VEGFC: variants seen among roughly 807,000 people sequenced by gnomAD.
VEGFC encodes vascular endothelial growth factor C.
In VEGFC, 12 loss-of-function variants were observed where a neutral mutation model predicts 46.1. That is an observed-to-expected ratio of 0.26 (90% confidence interval 0.17 to 0.42). The LOEUF (loss-of-function observed/expected upper bound fraction) is 0.42. Among genes scored for constraint, VEGFC ranks in the 10% least tolerant of loss-of-function variants. The pLI is 1.00. For synonymous variants in VEGFC, 232 were observed against 195.5 expected (o/e 1.19, Z -1.56); for missense variants, 488 against 529.4 (o/e 0.92, Z 0.77).
intron 1 of VEGFC, among the ~76,000 whole-genome samples, chr4:176,762,554 G>C (rs1318895798): frequency 6.6e-6 from 1 of 152,096 alleles, no homozygotes; most frequent in Non-Finnish European, 1.5e-5. Context: ...CCCAGTTTTA[G>C]GTATTCTGTC....
chr4:176,764,026 C>A (rs113614154), intron 1 of VEGFC, among the ~76,000 whole-genome samples: 1 of 152,182 alleles, frequency 6.6e-6, no homozygotes, highest in African/African-American at 2.4e-5. Context: ...GCAACTTCCA[C>A]TTCTGACCAT....
rs189255691 is a variant in VEGFC, at chr4:176,711,064, T to C, written c.704+435A>G. Among the ~76,000 whole-genome samples the C allele has an allele frequency of 3.4e-3, 514 of 152,230 alleles. 4 individuals carry two copies. The highest frequency in any genetic ancestry group is 7.7e-3 in the Admixed American group (117 of 15,266). ...CACATATATATTTTTATGTTTGAGA[T>C]TGAAGAAAGCAACTGAATGCTAATA... On this transcript the variant is annotated intron_variant, in intron 4 of 6. Coordinates refer to ENST00000618562, the MANE Select transcript of VEGFC (RefSeq NM_005429.5).
chr4:176,753,647 C>T (rs927452787), intron 1 of VEGFC, among the ~76,000 whole-genome samples: 1 of 152,050 alleles, frequency 6.6e-6, no homozygotes, highest in Non-Finnish European at 1.5e-5. Context: ...TGCTTTTATT[C>T]CTGCATACAT....
intron 1 of VEGFC, among the ~76,000 whole-genome samples, chr4:176,741,615 T>C (rs1221690360): frequency 4.6e-5 from 7 of 151,938 alleles, no homozygotes; most frequent in Admixed American, 3.9e-4. Flanking sequence ...TAAAAAAAGA[T>C]AAAATGTAAC....
intron 3 of VEGFC, among the ~76,000 whole-genome samples, chr4:176,712,747 T>G (rs1734639618): frequency 6.6e-6 from 1 of 152,204 alleles, no homozygotes; most frequent in African/African-American, 2.4e-5. Context: ...GCTGCCAATT[T>G]TGTCCATGCC....
rs535857420 is a variant in VEGFC at position 176,726,908 on chromosome 4, G to A, written c.552+870C>T. Reference sequence around the variant, plus strand: ...CAGTTCTGAATTTAGCCAGATTTACGTGTGTGAGTCTAACTCCAAAAATAG... The same window carrying A: ...CAGTTCTGAATTTAGCCAGATTTACATGTGTGAGTCTAACTCCAAAAATAG... On this transcript the variant is annotated intron_variant, in intron 3 of 6. Transcript: ENST00000618562. 2.6e-5 allele frequency among the ~76,000 whole-genome samples: 4 copies of A among 152,180 alleles called. 1 individual carries two copies. Among genetic ancestry groups the A allele is most frequent in the Admixed American group, 6.5e-5 (1 of 15,294 alleles).
intron 3 of VEGFC, among the ~76,000 whole-genome samples, chr4:176,725,481 C>A (rs968465408): frequency 6.6e-6 from 1 of 151,954 alleles, no homozygotes; most frequent in South Asian, 2.1e-4. Flanking sequence ...AGATTTGGAT[C>A]TATGTTTTTA....
At chr4:176,773,284 G>T (rs1364423243) in intron 1 of VEGFC, among the ~76,000 whole-genome samples, 1 of 152,162 alleles carries the variant, frequency 6.6e-6, no homozygotes, top group Non-Finnish European at 1.5e-5. Context: ...CAGGAGTCTG[G>T]ACATTGATGA....
intron 1 of VEGFC, among the ~76,000 whole-genome samples, chr4:176,778,385 C>A (rs1375835055): frequency 1.4e-5 from 1 of 71,532 alleles, no homozygotes; most frequent in African/African-American, 3.3e-5. Context: ...AAATAAAACA[C>A]ATATTTAGGA....
intron 1 of VEGFC, among the ~76,000 whole-genome samples, chr4:176,761,734 T>C (rs759153652): frequency 6.6e-6 from 1 of 152,138 alleles, no homozygotes; most frequent in Non-Finnish European, 1.5e-5. Flanking sequence ...AAAATAAACA[T>C]ATACTTAACA....
At chr4:176,784,899 G>C (rs530972434) in intron 1 of VEGFC, among the ~76,000 whole-genome samples, 1 of 152,100 alleles carries the variant, frequency 6.6e-6, no homozygotes, top group Non-Finnish European at 1.5e-5. Context: ...CTTGTCCAAG[G>C]TCACACAGGT....
intron 1 of VEGFC, among the ~76,000 whole-genome samples, chr4:176,736,016 T>A (rs1466073326): frequency 1.3e-5 from 2 of 151,836 alleles, no homozygotes; most frequent in Non-Finnish European, 2.9e-5. Context: ...CAAATTTACC[T>A]CATTACATGC....
At chr4:176,699,178 G>T (rs577262597) in intron 4 of VEGFC, among the ~76,000 whole-genome samples, 2 of 152,254 alleles carry the variant, frequency 1.3e-5, no homozygotes, top group Admixed American at 6.5e-5. Context: ...GGCACCTATG[G>T]TTCCATAGCT....
At chr4:176,693,968 T>C (rs1734258996) in intron 4 of VEGFC, among the ~76,000 whole-genome samples, 1 of 148,714 alleles carries the variant, frequency 6.7e-6, no homozygotes, top group Non-Finnish European at 1.5e-5. Flanking sequence ...CTAAAAGAGC[T>C]CCTGAAGGAA....
chr4:176,701,359 A>C (rs1377599018), intron 4 of VEGFC, among the ~76,000 whole-genome samples: 2 of 152,212 alleles, frequency 1.3e-5, no homozygotes, highest in African/African-American at 4.8e-5. Context: ...AAACTTTAGG[A>C]CAATCTTTGA....
intron 4 of VEGFC, among the ~76,000 whole-genome samples, chr4:176,692,321 C>A (rs377470613): frequency 2.7e-5 from 3 of 111,580 alleles, no homozygotes; most frequent in South Asian, 2.5e-4. Context: ...GTGAACCCGG[C>A]AGGCGGAGCT....
chr4:176,752,761 A>G (rs1233340036), intron 1 of VEGFC, among the ~76,000 whole-genome samples: 1 of 152,106 alleles, frequency 6.6e-6, no homozygotes. Context: ...TGTTAGAATT[A>G]GAACTTGGCT....
At position 176,779,510 on chromosome 4, in the gene VEGFC, C is replaced by T. The variant is rs73872181; in HGVS notation, c.147+12655G>A. ...TAATTTATAAAGAAGATTTGCATAACACGTGTCTAAAATTTTGGTTTAAAA... is the reference window on the plus strand; with the variant it reads ...TAATTTATAAAGAAGATTTGCATAATACGTGTCTAAAATTTTGGTTTAAAA... On this transcript the variant is annotated intron_variant, in intron 1 of 6. Transcript: ENST00000618562. 2.1e-3 allele frequency among the ~76,000 whole-genome samples: 318 copies of T among 152,144 alleles called. 2 individuals carry two copies. Among genetic ancestry groups the T allele is most frequent in the African/African-American group, 7.4e-3 (309 of 41,534 alleles).
rs554062201 is a variant in VEGFC, at chr4:176,764,908, T to A, written c.147+27257A>T. Reference sequence around the variant, plus strand: ...AAGACTAACAAAAAAATAGAAAAAATAGACAATAAAAATGAAACTTCAGTT... The same window carrying A: ...AAGACTAACAAAAAAATAGAAAAAAAAGACAATAAAAATGAAACTTCAGTT... On this transcript the variant is annotated intron_variant, in intron 1 of 6. Transcript: ENST00000618562. Among the ~76,000 whole-genome samples the A allele has an allele frequency of 1.6e-3, 241 of 151,522 alleles. 1 individual carries two copies. The highest frequency in any genetic ancestry group is 2.9e-3 in the Non-Finnish European group (196 of 67,796).
Sources: allele counts gnomAD v4.1 joint callset (sites outside exome capture counted in the v4.1 genomes callset), GRCh38; gene constraint gnomAD v4.1.1; transcripts MANE v1.5; gene names NCBI Gene and HGNC (gene_info 2026-07-23, HGNC 2026-07-21).